ZFYVE28: variants seen among roughly 807,000 people sequenced by gnomAD.
ZFYVE28 encodes the protein zinc finger FYVE-type containing 28, also known as lateral signaling target protein 2 homolog.
A neutral mutation model predicts 82.1 loss-of-function variants in ZFYVE28; 40 were observed. The observed-to-expected ratio is 0.49, with a 90% CI of 0.38 to 0.63. The LOEUF is 0.63. Ranked by LOEUF, ZFYVE28 falls within the 30% of genes least tolerant of loss-of-function variation. ZFYVE28 has a pLI of 0.00. For missense variants in ZFYVE28, 1,321 were observed against 1,242.1 expected, an observed-to-expected ratio of 1.06 and a Z score of -0.96; for synonymous variants, 612 against 546.1, an observed-to-expected ratio of 1.12 and a Z score of -1.68.
chr4:2,277,345 C>T (rs372650494), intron 8 of ZFYVE28, among the ~76,000 whole-genome samples: 8 of 152,096 alleles, frequency 5.3e-5, no homozygotes, highest in South Asian at 2.1e-4. Flanking sequence ...CCGGGCGTGG[C>T]GGCGTGTGCC....
At chr4:2,333,083 G>A (rs937999303) in intron 6 of ZFYVE28, among the ~76,000 whole-genome samples, 6 of 151,598 alleles carry the variant, frequency 4.0e-5, no homozygotes, top group East Asian at 3.9e-4. Flanking sequence ...TCCTGAGCCC[G>A]AGGGGACCCC....
chr4:2,297,606 G>A (rs967785607), intron 8 of ZFYVE28, among the ~76,000 whole-genome samples: 1 of 152,242 alleles, frequency 6.6e-6, no homozygotes, highest in Non-Finnish European at 1.5e-5. Context: ...CAGAGGCAAA[G>A]CCAAGACTGA....
chr4:2,412,795 G>A (rs573680731), intron 1 of ZFYVE28, among the ~76,000 whole-genome samples: 42 of 152,120 alleles, frequency 2.8e-4, no homozygotes, highest in Non-Finnish European at 5.9e-4. Flanking sequence ...AATTCTTGGT[G>A]GCTGAAAATG....
intron 1 of ZFYVE28, among the ~76,000 whole-genome samples, chr4:2,355,853 T>C (rs1412759961): frequency 2.0e-5 from 3 of 152,198 alleles, no homozygotes; most frequent in South Asian, 2.1e-4. Context: ...GCGGAGATTA[T>C]AGAAGTGAGT....
Position 2,323,072 on chromosome 4 carries a change from T to C in ZFYVE28, c.702-2801A>G, listed in dbSNP as rs529724714. On this transcript the variant is annotated intron_variant, in intron 6 of 12. Coordinates refer to ENST00000290974, the MANE Select transcript of ZFYVE28 (RefSeq NM_020972.3). ...TCTTGGGTATATGCCTAGAAGGGTATGTGGTATGACCATATGGATCATATA... is the reference window on the plus strand; with the variant it reads ...TCTTGGGTATATGCCTAGAAGGGTACGTGGTATGACCATATGGATCATATA... 2.6e-5 allele frequency among the ~76,000 whole-genome samples: 4 copies of C among 152,348 alleles called. No individual in the cohort carries two copies. In the East Asian group the frequency reaches 5.8e-4, roughly 22 times the overall value.
At chr4:2,361,345 G>A (rs890750062) in intron 1 of ZFYVE28, among the ~76,000 whole-genome samples, 4 of 152,174 alleles carry the variant, frequency 2.6e-5, no homozygotes, top group Non-Finnish European at 5.9e-5. Flanking sequence ...TAATTCATTC[G>A]AGCCCCTGGT....
At chr4:2,310,310 A>T (rs573784375) in intron 7 of ZFYVE28, among the ~76,000 whole-genome samples, 25 of 152,280 alleles carry the variant, frequency 1.6e-4, no homozygotes, top group African/African-American at 5.8e-4. Flanking sequence ...AAGTCCTGGG[A>T]TTACAAGTGT....
chr4:2,410,794 C>T (rs1017948081), intron 1 of ZFYVE28, among the ~76,000 whole-genome samples: 1 of 152,314 alleles, frequency 6.6e-6, no homozygotes, highest in Non-Finnish European at 1.5e-5. Context: ...CACGCCCTTT[C>T]TAATGCTAAT....
chr4:2,364,849 C>CCACGTCGCCGCGGCAA (rs1201941486), intron 1 of ZFYVE28: 22 of 985,404 alleles, frequency 2.2e-5, no homozygotes, highest in Non-Finnish European at 2.7e-5. Flanking sequence ...GATAAAACCC[C>CCACGTCGCCGCGGCAA]CACGTCGCCG....
chr4:2,333,048 A>C (rs1578129591), intron 6 of ZFYVE28, among the ~76,000 whole-genome samples: 2 of 144,908 alleles, frequency 1.4e-5, no homozygotes, highest in African/African-American at 5.2e-5. Flanking sequence ...GGGGTCCCTC[A>C]CTCCCTTTCC....
Position 2,335,643 on chromosome 4 carries a change from C to T in ZFYVE28, c.701+62G>A. ...GGACCGGCACCCGCACGGGACCTGG[C>T]ACCATCAGCCCTGCCCGTCCCGCAG... is the stretch of plus-strand genomic sequence containing the variant. On this transcript the variant is annotated intron_variant, in intron 6 of 12. Coordinates refer to ENST00000290974, the MANE Select transcript of ZFYVE28 (RefSeq NM_020972.3). This position sits in a 1 kb window ranked among gnomAD's most constrained non-coding sequence, Gnocchi z 5.8. 6.7e-7 allele frequency: 1 copy of T among 1,484,540 alleles called. No individual in the cohort carries two copies. The highest frequency in any genetic ancestry group is 9.2e-7 in the Non-Finnish European group (1 of 1,088,660). 92.0% of individuals were successfully genotyped at this position (1,484,540 alleles called of 1,614,324 possible).
In ZFYVE28 at chr4:2,270,549, G is replaced by A. The variant is rs1439043640; in HGVS notation, c.*176C>T. 1.3e-5 allele frequency: 12 copies of A among 934,098 alleles called. No homozygotes were observed. The highest frequency in any genetic ancestry group is 1.7e-5 in the Non-Finnish European group (11 of 634,632). 57.9% of individuals were successfully genotyped at this position (934,098 alleles called of 1,614,324 possible). A position where few individuals can be genotyped will look rare whatever the true frequency, so the allele number is the denominator to read the frequency against. On this transcript the variant is annotated 3_prime_UTR_variant, in exon 13 of 13. Transcript: ENST00000290974. ...TGTTGGCCCCTGCAGCCGGCCCGGG[G>A]TCCCTGCAGGGAGGCTAGCGTGGGC...
chr4:2,278,929 TCCC>T (rs35053913), intron 8 of ZFYVE28, among the ~76,000 whole-genome samples: 4 of 143,994 alleles, frequency 2.8e-5, no homozygotes, highest in African/African-American at 7.6e-5. Context: ...ATTAGAATGT[TCCC>T]CCCCCCCTCA....
intron 6 of ZFYVE28, among the ~76,000 whole-genome samples, chr4:2,323,539 CTTAT>C (rs1031547441): frequency 1.1e-4 from 16 of 150,722 alleles, no homozygotes; most frequent in South Asian, 6.3e-4. Flanking sequence ...ATTTTTTTTT[CTTAT>C]TTATTTTTTA....
chr4:2,274,528 G>A (rs1040075881), intron 8 of ZFYVE28, among the ~76,000 whole-genome samples: 11 of 151,920 alleles, frequency 7.2e-5, no homozygotes, highest in Non-Finnish European at 1.5e-4. Context: ...GCTTAATATC[G>A]ACCGACTGCC....
rs573748085 is a variant in ZFYVE28, at chr4:2,317,290, C to T, written c.803+2880G>A. Among the ~76,000 whole-genome samples, 8 of 152,232 alleles carry T rather than the reference C, an allele frequency of 5.3e-5. No individual in the cohort carries two copies. In the South Asian group the frequency reaches 1.5e-3, roughly 28 times the overall value. On this transcript the variant is annotated intron_variant, in intron 7 of 12. Transcript: ENST00000290974. ...GGAGTGAGCCACTGTGCCCGGCCAA[C>T]ATTTTAAGCAATTTTGGATTATATG...
Position 2,394,676 on chromosome 4 carries a change from G to A in ZFYVE28, c.39+23609C>T, listed in dbSNP as rs1007656894. Among the ~76,000 whole-genome samples, 11 of 152,226 alleles carry A rather than the reference G, an allele frequency of 7.2e-5. No individual in the cohort carries two copies. The highest frequency in any genetic ancestry group is 1.9e-4 in the East Asian group (1 of 5,198). ...GGTCACAGGCAGGGGCCTGGGTGTC[G>A]TGTCACACAGGTCTGCGATCCGATC... On this transcript the variant is annotated intron_variant, in intron 1 of 12. Transcript: ENST00000290974. The surrounding 1 kb of genome is among the most constrained non-coding windows in gnomAD (Gnocchi z 4.0).
At chr4:2,314,567 T>C (rs1181194558) in intron 7 of ZFYVE28, among the ~76,000 whole-genome samples, 1 of 152,238 alleles carries the variant, frequency 6.6e-6, no homozygotes, top group Non-Finnish European at 1.5e-5. Flanking sequence ...AATATTGTAA[T>C]AGTGATCCTT....
rs79193011 is a variant in ZFYVE28, at chr4:2,328,778, T to C, written c.701+6927A>G. ...GCCTACCCAAGATGACACATGAAGTTAACCATCGCAGGGTCCAACTTTGTT... is the reference window on the plus strand; with the variant it reads ...GCCTACCCAAGATGACACATGAAGTCAACCATCGCAGGGTCCAACTTTGTT... On this transcript the variant is annotated intron_variant, in intron 6 of 12. Transcript: ENST00000290974. 1,641 of 229,832 alleles carry C rather than the reference T, an allele frequency of 7.1e-3. 26 individuals carry two copies. Among genetic ancestry groups the C allele is most frequent in the African/African-American group, 0.035 (1,544 of 44,350 alleles). 14.2% of individuals were successfully genotyped at this position (229,832 alleles called of 1,614,324 possible).
Sources: gnomAD v4.1 joint callset for allele counts (sites outside exome capture counted in the v4.1 genomes callset) on GRCh38, gnomAD v4.1.1 for gene constraint, Gnocchi (gnomAD v3.1) non-coding constraint, MANE v1.5 for transcripts, NCBI Gene and HGNC (gene_info 2026-07-23, HGNC 2026-07-21) for gene names.